The following NRXN3 variants were observed in gnomAD, a reference collection of about 807,000 sequenced individuals.
NRXN3 encodes the protein neurexin III.
In NRXN3, 32 loss-of-function variants were observed where a neutral mutation model predicts 137.6. The observed-to-expected ratio is 0.23, with a 90% CI of 0.18 to 0.31. NRXN3 has a LOEUF of 0.31. NRXN3 is among the 10% of genes least tolerant of loss of function. The probability of loss-of-function intolerance (pLI) is 1.00; values close to 1 mark genes in which losing one functional copy is unlikely to be tolerated. For synonymous variants in NRXN3, 798 were observed against 784.5 expected (o/e 1.02, Z -0.29); for missense variants, 1,574 against 2,062.5 (o/e 0.76, Z 4.59).
intron 1 of NRXN3, among the ~76,000 whole-genome samples, chr14:78,201,620 T>A (rs1272063869): frequency 6.6e-6 from 1 of 152,210 alleles, no homozygotes; most frequent in Non-Finnish European, 1.5e-5. Flanking sequence ...ATGGGACTTC[T>A]ACGTCAGAGT....
intron 16 of NRXN3, among the ~76,000 whole-genome samples, chr14:79,498,122 A>G (rs2096785339): frequency 6.6e-6 from 1 of 152,228 alleles, no homozygotes; most frequent in Non-Finnish European, 1.5e-5. Context: ...TCGGAATTAT[A>G]CTATTTTAAA....
intron 4 of NRXN3, among the ~76,000 whole-genome samples, chr14:78,307,035 T>G (rs2077437992): frequency 6.6e-6 from 1 of 152,188 alleles, no homozygotes; most frequent in Admixed American, 6.5e-5. Context: ...GGTAATCATT[T>G]AGTCAGATCA....
chr14:78,226,313 G>A (rs533206213), intron 1 of NRXN3, among the ~76,000 whole-genome samples: 7 of 152,138 alleles, frequency 4.6e-5, no homozygotes, highest in Non-Finnish European at 5.9e-5. Flanking sequence ...CAAGTAGCAG[G>A]TATTTATTAG....
chr14:79,185,085 C>T (rs1232408519), intron 15 of NRXN3, among the ~76,000 whole-genome samples: 1 of 152,122 alleles, frequency 6.6e-6, no homozygotes, highest in African/African-American at 2.4e-5. Flanking sequence ...GTTATTAGTC[C>T]TTTTAAACAT....
At chr14:79,102,504 A>G (rs1284327478) in intron 15 of NRXN3, among the ~76,000 whole-genome samples, 1 of 152,144 alleles carries the variant, frequency 6.6e-6, no homozygotes, top group East Asian at 1.9e-4. Flanking sequence ...TATTTTCAGT[A>G]AATGTTTACT....
intron 15 of NRXN3, among the ~76,000 whole-genome samples, chr14:79,171,357 A>C (rs2061762380): frequency 6.6e-6 from 1 of 152,148 alleles, no homozygotes. Flanking sequence ...AAGTCATAAG[A>C]GTTGTGTTAT....
In NRXN3 at chr14:78,803,701, T is replaced by C. The variant is rs1194097321; in HGVS notation, c.2126T>C (p.Val709Ala). 4.3e-6 allele frequency: 7 copies of C among 1,614,154 alleles called. No individual in the cohort carries two copies. In the South Asian group the frequency reaches 7.7e-5, roughly 18 times the overall value. Residue 709 changes from valine to alanine, a missense_variant, in exon 9 of 21, where the codon GTG (valine) becomes GCG (alanine). By Grantham distance (64) the Val-to-Ala change is moderately conservative. Around this residue, in one of 5 missense-constraint regions of NRXN3, gnomAD observed 718 missense variants for 887.6 expected, o/e 0.81. Coordinates refer to ENST00000335750, the MANE Select transcript of NRXN3 (RefSeq NM_001330195.2). ...GTCATGCATACTGAGGCAGAGGATG[T>C]GTCCTTCCGCTTCATGTCCCAGCGA... ...PMVMHTEAED[V>A]SFRFMSQRAY...
intron 4 of NRXN3, among the ~76,000 whole-genome samples, chr14:78,552,631 A>T (rs2096703822): frequency 6.6e-6 from 1 of 152,198 alleles, no homozygotes; most frequent in African/African-American, 2.4e-5. Context: ...ACACCAGTGC[A>T]CTCCAGTATG....
chr14:78,648,898 G>A (rs2097712236), intron 5 of NRXN3, among the ~76,000 whole-genome samples: 1 of 152,158 alleles, frequency 6.6e-6, no homozygotes, highest in African/African-American at 2.4e-5. Flanking sequence ...GGAGTGGGCG[G>A]TGTCCATTCA....
At chr14:78,539,588 G>T (rs1373624104) in intron 4 of NRXN3, among the ~76,000 whole-genome samples, 1 of 152,012 alleles carries the variant, frequency 6.6e-6, no homozygotes, top group Non-Finnish European at 1.5e-5. Flanking sequence ...TTTTTGAAGG[G>T]TTTTTTGTGT....
At chr14:79,382,229 T>C (rs148644922) in intron 15 of NRXN3, among the ~76,000 whole-genome samples, 1,529 of 152,304 alleles carry the variant, frequency 0.01, 21 homozygotes, top group African/African-American at 0.036. Flanking sequence ...TGCAACTGAC[T>C]GCGGCCAGTT....
intron 15 of NRXN3, among the ~76,000 whole-genome samples, chr14:79,256,098 CTCTCTCTG>C (rs1420829540): frequency 6.6e-5 from 10 of 152,008 alleles, no homozygotes; most frequent in Non-Finnish European, 1.2e-4. Flanking sequence ...TCCCTCCTCT[CTCTCTCTG>C]TCTCTCTCCC....
In NRXN3 at chr14:78,967,299, G is replaced by A; in HGVS notation, c.2869G>A (p.Val957Ile). Residue 957 changes from valine (V) to isoleucine (I), a missense_variant, in exon 13 of 21, where the codon GTC becomes ATC. Coordinates refer to ENST00000335750, the MANE Select transcript of NRXN3 (RefSeq NM_001330195.2). The part of the protein sequence containing the change: ...RPLNDNQWHN[V>I]VITRDNSNTH... ...CCTGAATGACAACCAGTGGCACAAT[G>A]TCGTCATCACTCGGGACAATAGTAA... 6.2e-7 allele frequency: 1 copy of A among 1,613,756 alleles called. No homozygotes were observed.
intron 15 of NRXN3, among the ~76,000 whole-genome samples, chr14:79,170,293 A>C (rs1596752381): frequency 1.3e-5 from 2 of 152,270 alleles, no homozygotes; most frequent in South Asian, 4.1e-4. Context: ...TGAAACTTAA[A>C]CAAATTATTT....
chr14:78,254,526 A>G (rs575346790), intron 2 of NRXN3, among the ~76,000 whole-genome samples: 61 of 152,210 alleles, frequency 4.0e-4, no homozygotes, highest in Admixed American at 8.5e-4. Context: ...TAAAAATACA[A>G]AAATTAGCTG....
intron 20 of NRXN3, among the ~76,000 whole-genome samples, chr14:79,824,529 C>T (rs1476519852): frequency 6.6e-6 from 1 of 152,032 alleles, no homozygotes; most frequent in Admixed American, 6.5e-5. Flanking sequence ...CTCAGAAAAG[C>T]AATTTTGGAG....
chr14:78,331,610 G>A (rs1024223740), intron 4 of NRXN3, among the ~76,000 whole-genome samples: 1 of 152,174 alleles, frequency 6.6e-6, no homozygotes, highest in Non-Finnish European at 1.5e-5. Context: ...ATATAATCCA[G>A]AAAATTGTGA....
intron 16 of NRXN3, among the ~76,000 whole-genome samples, chr14:79,653,714 C>G (rs2098488891): frequency 6.6e-6 from 1 of 152,068 alleles, no homozygotes; most frequent in South Asian, 2.1e-4. Flanking sequence ...TAGAAAATAT[C>G]TAAGATATAT....
intron 8 of NRXN3, among the ~76,000 whole-genome samples, chr14:78,778,788 CTTTCTT>C (rs1343365011): frequency 1.6e-5 from 2 of 125,536 alleles, no homozygotes; most frequent in Non-Finnish European, 3.3e-5. Flanking sequence ...TTCTTTCTTT[CTTTCTT>C]TCTTTCTTTC....
Sources: gnomAD v4.1 joint callset for allele counts (sites outside exome capture counted in the v4.1 genomes callset) on GRCh38, gnomAD v4.1.1 for gene constraint, gnomAD v4.1.1 regional missense constraint, MANE v1.5 for transcripts, NCBI Gene and HGNC (gene_info 2026-07-23, HGNC 2026-07-21) for gene names.